Variants in SNTG2 observed in about 807,000 individuals in gnomAD.
SNTG2 encodes syntrophin gamma 2, also known as gamma-2-syntrophin.
A neutral mutation model predicts 70.9 loss-of-function variants in SNTG2; 74 were observed. The ratio of observed to expected loss-of-function variants is 1.04; its 90% CI spans 0.86 to 1.27. The LOEUF (loss-of-function observed/expected upper bound fraction) is 1.27, where lower values mean the gene tolerates loss of function less well. Ranked by LOEUF, SNTG2 falls within the 50% of genes most tolerant of loss-of-function variation. SNTG2 has a pLI of 0.00. For missense variants in SNTG2, 717 were observed against 690.7 expected, an observed-to-expected ratio of 1.04 and a Z score of -0.43; for synonymous variants, 278 against 273.8, an observed-to-expected ratio of 1.02 and a Z score of -0.15.
At chr2:1,286,882 C>T (rs192546639) in intron 14 of SNTG2, among the ~76,000 whole-genome samples, 8 of 152,330 alleles carry the variant, frequency 5.3e-5, no homozygotes, top group Admixed American at 2.6e-4. Flanking sequence ...GAAGAACATT[C>T]GTCAACAGGT....
intron 14 of SNTG2, among the ~76,000 whole-genome samples, chr2:1,269,897 G>C (rs751636740): frequency 6.6e-6 from 1 of 152,198 alleles, no homozygotes. Context: ...ATCCATCCAC[G>C]TTTCTGCAGG....
chr2:1,049,425 C>T (rs1661927937), intron 1 of SNTG2, among the ~76,000 whole-genome samples: 1 of 152,114 alleles, frequency 6.6e-6, no homozygotes, highest in African/African-American at 2.4e-5. Flanking sequence ...GGAGCCTTTA[C>T]AGACTGGCTC....
chr2:1,221,941 GT>G (rs1675033999), intron 9 of SNTG2, among the ~76,000 whole-genome samples: 76 of 1,550 alleles, frequency 0.049, 32 homozygotes, highest in African/African-American at 0.23. Context: ...CTCTGTCTCT[GT>G]CTGTCTCTGT....
At chr2:1,044,891 T>C (rs1661641095) in intron 1 of SNTG2, among the ~76,000 whole-genome samples, 1 of 152,142 alleles carries the variant, frequency 6.6e-6, no homozygotes, top group Non-Finnish European at 1.5e-5. Flanking sequence ...GGTATGATGC[T>C]GGCTTCACAG....
chr2:1,274,175 A>G lies in SNTG2; in HGVS notation c.1284+6604A>G, dbSNP rs576413661. 4.6e-5 allele frequency among the ~76,000 whole-genome samples: 7 copies of G among 152,370 alleles called. No individual in the cohort carries two copies. In the South Asian group the frequency reaches 1.5e-3, roughly 32 times the overall value. On this transcript the variant is annotated intron_variant, in intron 14 of 16. Transcript: ENST00000308624. ...GGTGAAGGAACTGGAACTCTCATTC[A>G]CTGTTGGTGGCTGTGGAAAATGGCA...
intron 1 of SNTG2, among the ~76,000 whole-genome samples, chr2:1,057,989 T>C (rs1375419038): frequency 1.3e-5 from 2 of 152,082 alleles, no homozygotes; most frequent in African/African-American, 4.8e-5. Flanking sequence ...ATGGCGCCAC[T>C]GCACTCCAGC....
At chr2:1,194,246 G>T (rs72768818) in intron 8 of SNTG2, among the ~76,000 whole-genome samples, 11 of 152,176 alleles carry the variant, frequency 7.2e-5, no homozygotes, top group African/African-American at 2.7e-4. Flanking sequence ...TGGTCAGGAT[G>T]GGGGGAGAAG....
intron 14 of SNTG2, among the ~76,000 whole-genome samples, chr2:1,274,142 C>T (rs1679173867): frequency 6.6e-6 from 1 of 152,170 alleles, no homozygotes; most frequent in African/African-American, 2.4e-5. Flanking sequence ...CTGATGATGC[C>T]AAGTGTTGGT....
intron 12 of SNTG2, among the ~76,000 whole-genome samples, chr2:1,251,461 C>T (rs1229633929): frequency 6.8e-6 from 1 of 147,466 alleles, no homozygotes; most frequent in Non-Finnish European, 1.5e-5. Flanking sequence ...ACTACACACA[C>T]CACACACACA....
intron 7 of SNTG2, among the ~76,000 whole-genome samples, chr2:1,170,715 C>T (rs1160129763): frequency 2.0e-5 from 3 of 152,212 alleles, no homozygotes; most frequent in African/African-American, 7.2e-5. Context: ...GACCCATGTA[C>T]ATACCCTTTG....
intron 1 of SNTG2, among the ~76,000 whole-genome samples, chr2:1,031,529 T>TATATATATATATATA (rs372970926): frequency 1.1e-3 from 46 of 42,612 alleles, no homozygotes; most frequent in Middle Eastern, 0.012. Context: ...TATATATATA[T>TATATATATATATATA]TTTTTTTTTT....
Position 1,367,567 on chromosome 2 carries a change from T to G in SNTG2, c.*93T>G, listed in dbSNP as rs575541654. On this transcript the variant is annotated 3_prime_UTR_variant, in exon 17 of 17. Transcript: ENST00000308624. ...ATTGCAACTTTGTGTTGTTTTATGATGAGCCTATAGTTGTGATACCAATAA... is the reference window on the plus strand; with the variant it reads ...ATTGCAACTTTGTGTTGTTTTATGAGGAGCCTATAGTTGTGATACCAATAA... 16 of 1,445,154 alleles carry G rather than the reference T, an allele frequency of 1.1e-5. No individual in the cohort carries two copies. In the African/African-American group the frequency reaches 2.0e-4, roughly 18 times the overall value. The allele number at this position is 1,445,154 out of a possible 1,614,324, so 89.5% of individuals were successfully genotyped here.
intron 2 of SNTG2, among the ~76,000 whole-genome samples, chr2:1,084,114 GT>G (rs1664526393): frequency 6.6e-6 from 1 of 152,156 alleles, no homozygotes; most frequent in Admixed American, 6.5e-5. Context: ...TTTTCAGTGT[GT>G]TTTTGAAAAT....
intron 4 of SNTG2, among the ~76,000 whole-genome samples, chr2:1,106,022 C>T (rs140174155): frequency 0.23 from 25,934 of 111,776 alleles, 2,768 homozygotes; most frequent in East Asian, 0.41. Context: ...TAATAATGGA[C>T]ACGTGCTGTC....
At chr2:1,118,249 C>T (rs1667162937) in intron 4 of SNTG2, among the ~76,000 whole-genome samples, 1 of 152,066 alleles carries the variant, frequency 6.6e-6, no homozygotes, top group African/African-American at 2.4e-5. Flanking sequence ...TGGGCCGTGT[C>T]AGACCCTGCG....
chr2:1,193,677 C>T (rs1297149938), intron 8 of SNTG2, among the ~76,000 whole-genome samples: 1 of 152,160 alleles, frequency 6.6e-6, no homozygotes, highest in African/African-American at 2.4e-5. Context: ...GAAGAAAGTC[C>T]TGAGCATTTC....
chr2:1,031,528 A>ATATATATATATATTTTTT, intron 1 of SNTG2, among the ~76,000 whole-genome samples: 4 of 59,120 alleles, frequency 6.8e-5, no homozygotes, highest in East Asian at 2.9e-4. Flanking sequence ...ATATATATAT[A>ATATATATATATATTTTTT]TTTTTTTTTT....
chr2:1,305,411 C>T (rs894257493), intron 14 of SNTG2, among the ~76,000 whole-genome samples: 1 of 152,204 alleles, frequency 6.6e-6, no homozygotes, highest in Non-Finnish European at 1.5e-5. Context: ...CAGACTCCCT[C>T]CGATGTGGGA....
At chr2:952,058 T>C (rs2147936391) in intron 1 of SNTG2, among the ~76,000 whole-genome samples, 1 of 152,356 alleles carries the variant, frequency 6.6e-6, no homozygotes, top group South Asian at 2.1e-4. Context: ...GATTTCTATG[T>C]AGAGACAGGT....
Sources: allele counts gnomAD v4.1 joint callset (sites outside exome capture counted in the v4.1 genomes callset), GRCh38; gene constraint gnomAD v4.1.1; transcripts MANE v1.5; gene names NCBI Gene and HGNC (gene_info 2026-07-23, HGNC 2026-07-21).